The following MYLK variants were observed in gnomAD, a reference collection of about 807,000 sequenced individuals.
MYLK encodes the protein myosin light chain kinase, also known as myosin light chain kinase, smooth muscle.
MYLK carries 106 observed loss-of-function variants against 203.4 expected under a neutral mutation model. The ratio of observed to expected loss-of-function variants is 0.52; its 90% CI spans 0.45 to 0.61. The LOEUF (loss-of-function observed/expected upper bound fraction) is 0.61, where lower values mean the gene tolerates loss of function less well. Ranked by LOEUF, MYLK falls within the 20% of genes least tolerant of loss-of-function variation. The probability of loss-of-function intolerance (pLI) is 0.00; values close to 1 mark genes in which losing one functional copy is unlikely to be tolerated. For synonymous variants in MYLK, 867 were observed against 959.5 expected, an observed-to-expected ratio of 0.90 and a Z score of 1.78; for missense variants, 2,072 against 2,442.3, an observed-to-expected ratio of 0.85 and a Z score of 3.20.
intron 9 of MYLK, 184 bp downstream of exon 9, chr3:123,735,214 A>C: frequency 2.5e-6 from 2 of 793,322 alleles, no homozygotes; most frequent in Admixed American, 3.9e-5. Context: ...GCAACCTGAG[A>C]TAGAACCCGT....
At chr3:123,808,733 T>C (rs1475415322) in intron 3 of MYLK, among the ~76,000 whole-genome samples, 1 of 152,164 alleles carries the variant, frequency 6.6e-6, no homozygotes, top group Non-Finnish European at 1.5e-5. Flanking sequence ...AAACAACCCA[T>C]TTATTGAATG....
chr3:123,831,315 C>A, intron 3 of MYLK: 1 of 1,218,256 alleles, frequency 8.2e-7, no homozygotes, highest in Non-Finnish European at 1.1e-6. Flanking sequence ...ATGATTTCCA[C>A]CACCTTCGCC....
At chr3:123,863,838 C>A (rs545763023) in intron 2 of MYLK, among the ~76,000 whole-genome samples, 2 of 152,232 alleles carry the variant, frequency 1.3e-5, no homozygotes, top group South Asian at 4.1e-4. Context: ...CCTAGCAATT[C>A]CACTCCTAGA....
intron 5 of MYLK, among the ~76,000 whole-genome samples, chr3:123,741,955 T>A (rs2062868622): frequency 6.6e-6 from 1 of 152,338 alleles, no homozygotes; most frequent in Non-Finnish European, 1.5e-5. Context: ...AACCCAATGG[T>A]TGACACTCTG....
At chr3:123,761,662 A>G (rs1463392) in intron 4 of MYLK, among the ~76,000 whole-genome samples, 134,322 of 152,240 alleles carry the variant, frequency 0.88, 61,568 homozygotes, top group East Asian at 1. Flanking sequence ...AGGAATCAAA[A>G]GTTGTTTCTC....
intron 3 of MYLK, among the ~76,000 whole-genome samples, chr3:123,812,695 C>T (rs939578747): frequency 2.8e-4 from 43 of 152,220 alleles, no homozygotes; most frequent in African/African-American, 1.0e-3. Context: ...TTGGAAATCC[C>T]TGATGCAGGG....
At position 123,632,806 on chromosome 3, in the gene MYLK, T is replaced by A. The variant is rs1014816779; in HGVS notation, c.4962-3180A>T. ...TTGCATAAGGGATCATGTCTTTTAA[T>A]TTTTTTTTTTTTTTTTGAGATGCGG... On this transcript the variant is annotated intron_variant, in intron 29 of 33. Coordinates refer to ENST00000360304, the MANE Select transcript of MYLK (RefSeq NM_053025.4). 5.0e-5 allele frequency among the ~76,000 whole-genome samples: 4 copies of A among 80,612 alleles called. No homozygotes were observed. The Admixed American group carries it at 5.0e-4, about 10-fold the overall frequency. 52.9% of individuals were successfully genotyped at this position (80,612 alleles called of 152,430 possible).
chr3:123,882,226 C>T (rs2033591832), intron 1 of MYLK, among the ~76,000 whole-genome samples: 6 of 152,048 alleles, frequency 3.9e-5, no homozygotes, highest in African/African-American at 1.4e-4. Flanking sequence ...CTAGTATGGA[C>T]AACATGGTAG....
At chr3:123,708,033 AG>A (rs2061530315) in intron 15 of MYLK, 30 bp from the exon 16 acceptor site, 1 of 1,613,476 alleles carries the variant, frequency 6.2e-7, no homozygotes, top group Non-Finnish European at 8.5e-7. Context: ...AGAGCTAAAC[AG>A]GGATGTCCCT....
At chr3:123,813,613 C>A (rs891180567) in intron 3 of MYLK, among the ~76,000 whole-genome samples, 1 of 152,012 alleles carries the variant, frequency 6.6e-6, no homozygotes, top group Non-Finnish European at 1.5e-5. Context: ...CGGGTTCAAG[C>A]GATTCTCCTG....
In MYLK at chr3:123,688,605, A is replaced by AT. The variant is rs1402446622; in HGVS notation, c.3565+4129dup. Reference sequence around the variant, plus strand: ...CCCATAACACTTAGAATAAAATCTCATTTTTTTTGTCCTAGCCAACACTGC... The same window carrying AT: ...CCCATAACACTTAGAATAAAATCTCATTTTTTTTTGTCCTAGCCAACACTGC... On this transcript the variant is annotated intron_variant, in intron 19 of 33. Coordinates refer to ENST00000360304, the MANE Select transcript of MYLK (RefSeq NM_053025.4). 6.6e-5 allele frequency among the ~76,000 whole-genome samples: 10 copies of AT among 151,700 alleles called. No individual in the cohort carries two copies. In the East Asian group the frequency reaches 7.8e-4, roughly 12 times the overall value.
At chr3:123,841,004 C>T (rs1396210058) in intron 2 of MYLK, among the ~76,000 whole-genome samples, 1 of 152,096 alleles carries the variant, frequency 6.6e-6, no homozygotes, top group East Asian at 1.9e-4. Flanking sequence ...GAAACAGATA[C>T]ATGGTGGAGA....
intron 4 of MYLK, among the ~76,000 whole-genome samples, chr3:123,770,185 G>A (rs905712707): frequency 2.1e-4 from 32 of 151,728 alleles, no homozygotes; most frequent in Non-Finnish European, 4.1e-4. Flanking sequence ...TTAGCTGGGC[G>A]TGGTGGCGGG....
chr3:123,688,174 C>G (rs945801334), intron 19 of MYLK, among the ~76,000 whole-genome samples: 3 of 152,056 alleles, frequency 2.0e-5, no homozygotes, highest in Non-Finnish European at 4.4e-5. Context: ...AACCCCAGGG[C>G]AGTGAATGGC....
In MYLK at chr3:123,613,044, TAAG is replaced by T. The variant is rs1039667976; in HGVS notation, c.*1058_*1060del. The T allele has an allele frequency of 1.3e-5, 2 of 152,548 alleles. No homozygotes were observed. Among genetic ancestry groups the T allele is most frequent in the African/African-American group, 4.8e-5 (2 of 41,458 alleles). The allele number at this position is 152,548 out of a possible 1,614,324, so 9.4% of individuals were successfully genotyped here. On this transcript the variant is annotated 3_prime_UTR_variant, in exon 34 of 34. Coordinates refer to ENST00000360304, the MANE Select transcript of MYLK (RefSeq NM_053025.4). Reference sequence around the variant, plus strand: ...GGGCAAGGCATGATTGATGCACATTTAAGAAGAAAAATATGGAACCCATAAGGT... The same window carrying T: ...GGGCAAGGCATGATTGATGCACATTTAAGAAAAATATGGAACCCATAAGGT...
At chr3:123,656,168 G>C (rs1235418847) in intron 24 of MYLK, among the ~76,000 whole-genome samples, 1 of 152,098 alleles carries the variant, frequency 6.6e-6, no homozygotes, top group East Asian at 1.9e-4. Flanking sequence ...TCAAATGTTC[G>C]TGTGCATCTG....
At chr3:123,777,092 A>T (rs2064107140) in intron 4 of MYLK, among the ~76,000 whole-genome samples, 1 of 152,252 alleles carries the variant, frequency 6.6e-6, no homozygotes, top group South Asian at 2.1e-4. Context: ...ACTTTAAAAC[A>T]TTCTCAAAGT....
At chr3:123,864,284 C>T (rs756185288) in intron 2 of MYLK, among the ~76,000 whole-genome samples, 37 of 152,240 alleles carry the variant, frequency 2.4e-4, no homozygotes, top group Admixed American at 3.3e-4. Flanking sequence ...CAGGTGCATG[C>T]TTTTGTCCAA....
intron 4 of MYLK, among the ~76,000 whole-genome samples, chr3:123,758,291 C>A (rs1028282442): frequency 6.6e-6 from 1 of 152,166 alleles, no homozygotes; most frequent in African/African-American, 2.4e-5. Flanking sequence ...AAAGCCTTAA[C>A]TGAACCCACA....
Sources: gnomAD v4.1 joint callset for allele counts (sites outside exome capture counted in the v4.1 genomes callset) on GRCh38, gnomAD v4.1.1 for gene constraint, MANE v1.5 for transcripts, NCBI Gene and HGNC (gene_info 2026-07-23, HGNC 2026-07-21) for gene names.